APC: variants seen among roughly 807,000 people sequenced by gnomAD.
APC encodes the protein adenomatous polyposis coli protein.
A neutral mutation model predicts 247.0 loss-of-function variants in APC; 72 were observed. The observed-to-expected ratio is 0.29, with a 90% CI of 0.24 to 0.35. APC has a LOEUF of 0.35. Among genes scored for constraint, APC ranks in the 10% least tolerant of loss-of-function variants. The probability of loss-of-function intolerance (pLI) is 1.00; values close to 1 mark genes in which losing one functional copy is unlikely to be tolerated. For synonymous variants in APC, 1,254 were observed against 1,162.5 expected (o/e 1.08, Z -1.60); for missense variants, 3,400 against 3,360.7 (o/e 1.01, Z -0.29).
chr5:112,828,765 T>A, intron 13 of APC, 91 bp from the exon 14 acceptor site: 1 of 904,150 alleles, frequency 1.1e-6, no homozygotes, highest in Non-Finnish European at 1.8e-6. Flanking sequence ...TCTTTCTTAA[T>A]AGATTTCTAT....
At position 112,759,904 on chromosome 5, in the gene APC, C is replaced by G. The variant is rs146228591; in HGVS notation, c.135+4879C>G. Among the ~76,000 whole-genome samples the G allele has an allele frequency of 4.6e-4, 70 of 152,204 alleles. 1 individual carries two copies. Among genetic ancestry groups the G allele is most frequent in the African/African-American group, 1.6e-3 (67 of 41,544 alleles). On this transcript the variant is annotated intron_variant, in intron 2 of 15. Transcript: ENST00000257430. ...TTAAAAACTCTTCAAAATCAAGGGC[C>G]TCTTCTAGGTTGTATGCAGTATGCA...
At chr5:112,744,012 A>AT (rs929783456) in intron 1 of APC, among the ~76,000 whole-genome samples, 8 of 150,910 alleles carry the variant, frequency 5.3e-5, no homozygotes, top group East Asian at 2.0e-4. Flanking sequence ...CTAATTTTTA[A>AT]TTTTTTTTTC....
At chr5:112,728,867 A>G (rs1364029343) in intron 1 of APC, among the ~76,000 whole-genome samples, 4 of 152,164 alleles carry the variant, frequency 2.6e-5, no homozygotes, top group African/African-American at 9.7e-5. Context: ...CTAATTATAT[A>G]TCCCTTTTTA....
At chr5:112,825,286 C>T (rs1206375516) in intron 11 of APC, among the ~76,000 whole-genome samples, 2 of 152,222 alleles carry the variant, frequency 1.3e-5, no homozygotes, top group East Asian at 1.9e-4. Context: ...AATACTTTGT[C>T]TTACTTCTCT....
intron 7 of APC, among the ~76,000 whole-genome samples, chr5:112,800,817 T>C (rs1213928496): frequency 6.6e-6 from 1 of 151,996 alleles, no homozygotes; most frequent in Admixed American, 6.6e-5. Context: ...CACCTAACTT[T>C]TATTAGAAGA....
At chr5:112,770,010 G>A (rs2149798274) in intron 4 of APC, among the ~76,000 whole-genome samples, 1 of 152,242 alleles carries the variant, frequency 6.6e-6, no homozygotes, top group Middle Eastern at 3.4e-3. Flanking sequence ...TCTATTAAGA[G>A]GCAGAGGGCA....
At chr5:112,812,521 T>G (rs1413752730) in intron 8 of APC, among the ~76,000 whole-genome samples, 1 of 152,196 alleles carries the variant, frequency 6.6e-6, no homozygotes, top group Admixed American at 6.5e-5. Context: ...CATATTCTTC[T>G]GACCCTTGCT....
At chr5:112,741,379 A>C (rs542449394) in intron 1 of APC, among the ~76,000 whole-genome samples, 1 of 152,350 alleles carries the variant, frequency 6.6e-6, no homozygotes, top group African/African-American at 2.4e-5. Flanking sequence ...CTTTTGAAGT[A>C]CTAAGTATCT....
intron 1 of APC, among the ~76,000 whole-genome samples, chr5:112,717,526 A>T (rs571822552): frequency 2.6e-5 from 4 of 152,180 alleles, no homozygotes; most frequent in Middle Eastern, 3.4e-3. Flanking sequence ...TCTTTATTTT[A>T]TCTCAGTCTT....
At chr5:112,742,788 G>A (rs954141390) in intron 1 of APC, among the ~76,000 whole-genome samples, 4 of 152,150 alleles carry the variant, frequency 2.6e-5, no homozygotes, top group African/African-American at 9.7e-5. Context: ...GCCCACCAAA[G>A]AGAGGAATTA....
chr5:112,714,461 A>C (rs1469515984), intron 1 of APC, among the ~76,000 whole-genome samples: 1 of 152,248 alleles, frequency 6.6e-6, no homozygotes, highest in Non-Finnish European at 1.5e-5. Context: ...GACTGAGTAC[A>C]TCTTCTAGTA....
chr5:112,802,014 A>G (rs1018442088), intron 8 of APC, among the ~76,000 whole-genome samples: 7 of 152,066 alleles, frequency 4.6e-5, no homozygotes, highest in African/African-American at 1.4e-4. Context: ...ATACAGTGCA[A>G]TAGGACAGAA....
At position 112,827,721 on chromosome 5, in the gene APC, A is replaced by G. The variant is rs528500907; in HGVS notation, c.1549-208A>G. ...CACCACTTATTCACTTTATTTCTCTAGTTTGACAAAGGAAGAACAGATAGC... is the reference window on the plus strand; with the variant it reads ...CACCACTTATTCACTTTATTTCTCTGGTTTGACAAAGGAAGAACAGATAGC... On this transcript the variant is annotated intron_variant, in intron 12 of 15. Transcript: ENST00000257430. 3.3e-4 allele frequency among the ~76,000 whole-genome samples: 50 copies of G among 152,248 alleles called. No homozygotes were observed. Among genetic ancestry groups the G allele is most frequent in the Non-Finnish European group, 6.8e-4 (46 of 68,040 alleles).
chr5:112,784,308 T>A (rs750639076), intron 6 of APC, among the ~76,000 whole-genome samples: 11 of 152,228 alleles, frequency 7.2e-5, no homozygotes, highest in Non-Finnish European at 1.3e-4. Context: ...CCTCAAGTGA[T>A]CTGCCTGCCT....
rs1482227229 is a variant in APC, at chr5:112,842,748, C to G, written c.7154C>G (p.Ser2385Cys). The G allele has an allele frequency of 1.2e-6, 2 of 1,613,926 alleles. No homozygotes were observed. The highest frequency in any genetic ancestry group is 1.1e-5 in the South Asian group (1 of 91,080). The change falls in exon 16 of 16, where the codon TCC becomes TGC. Residue 2385 changes from serine (S) to cysteine (C), a missense_variant. Transcript: ENST00000257430. ...AACCTTACCAAACAAACAGGTTTAT[C>G]CAAGAATGCCAGTAGTATTCCAAGA... is the stretch of plus-strand genomic sequence containing the variant. Reference protein sequence around the residue: ...QQNLTKQTGLSKNASSIPRSE... With the variant: ...QQNLTKQTGLCKNASSIPRSE...
upstream of APC, among the ~76,000 whole-genome samples, chr5:112,734,104 G>C (rs1330598181): frequency 6.6e-6 from 1 of 152,276 alleles, no homozygotes; most frequent in East Asian, 1.9e-4. Flanking sequence ...AAGGCAGGAG[G>C]ATCACCTGAG....
chr5:112,760,973 C>A (rs111539326), intron 2 of APC, among the ~76,000 whole-genome samples: 2,220 of 152,238 alleles, frequency 0.015, 59 homozygotes, highest in African/African-American at 0.051. Context: ...CCATGCCTGG[C>A]TAATTTTTTG....
intron 6 of APC, among the ~76,000 whole-genome samples, chr5:112,783,003 T>C (rs940775009): frequency 6.6e-6 from 1 of 152,236 alleles, no homozygotes; most frequent in Non-Finnish European, 1.5e-5. Flanking sequence ...AAAACAAGTA[T>C]TACTTTGGTT....
chr5:112,751,600 A>G (rs1414390566), intron 1 of APC, among the ~76,000 whole-genome samples: 1 of 151,814 alleles, frequency 6.6e-6, no homozygotes, highest in Admixed American at 6.6e-5. Context: ...TCTTTCATTT[A>G]TCTTCTGTCT....
Sources: gnomAD v4.1 joint callset for allele counts (sites outside exome capture counted in the v4.1 genomes callset) on GRCh38, gnomAD v4.1.1 for gene constraint, MANE v1.5 for transcripts, NCBI Gene and HGNC (gene_info 2026-07-23, HGNC 2026-07-21) for gene names.